Variants in NCAM2 observed in about 807,000 individuals in gnomAD.
The protein encoded by NCAM2 is N-CAM-2.
In NCAM2, 30 loss-of-function variants were observed where a neutral mutation model predicts 98.1. That is an observed-to-expected ratio of 0.31 (90% CI 0.23 to 0.41). NCAM2 has a LOEUF of 0.41. NCAM2 is among the 10% of genes least tolerant of loss of function. The pLI, the probability that NCAM2 is intolerant of heterozygous loss-of-function variation, is 1.00. For missense variants in NCAM2, 867 were observed against 1,005.8 expected, an observed-to-expected ratio of 0.86 and a Z score of 1.87; for synonymous variants, 368 against 342.4, an observed-to-expected ratio of 1.07 and a Z score of -0.83.
intron 6 of NCAM2, among the ~76,000 whole-genome samples, chr21:21,329,335 C>T (rs1199222556): frequency 3.9e-5 from 6 of 152,126 alleles, no homozygotes; most frequent in Non-Finnish European, 8.8e-5. Flanking sequence ...ATGTTACAGT[C>T]GCTTCCAACA....
chr21:21,329,877 A>G (rs1418693191), intron 6 of NCAM2, among the ~76,000 whole-genome samples: 1 of 152,170 alleles, frequency 6.6e-6, no homozygotes, highest in Non-Finnish European at 1.5e-5. Flanking sequence ...TAGTGAGCTT[A>G]GATGATTAAC....
At chr21:21,262,658 C>A (rs866521567) in intron 1 of NCAM2, among the ~76,000 whole-genome samples, 253 of 78,916 alleles carry the variant, frequency 3.2e-3, no homozygotes, top group East Asian at 9.3e-3. Flanking sequence ...AACAATCAGT[C>A]AAAAAAAAAA....
At position 21,182,086 on chromosome 21, in the gene NCAM2, A is replaced by G. The variant is rs557716004; in HGVS notation, c.56-98492A>G. Among the ~76,000 whole-genome samples, 7 of 152,138 alleles carry G rather than the reference A, an allele frequency of 4.6e-5. No homozygotes were observed. In the East Asian group the frequency reaches 1.4e-3, roughly 29 times the overall value. On this transcript the variant is annotated intron_variant, in intron 1 of 17. Coordinates refer to ENST00000400546, the MANE Select transcript of NCAM2 (RefSeq NM_004540.5). ...TCATTACTGTATCCCGAGCACCTGG[A>G]ATAGCTACCAACACATAGTAGTCAC...
At chr21:21,416,144 T>G (rs927563893) in intron 10 of NCAM2, among the ~76,000 whole-genome samples, 2 of 152,076 alleles carry the variant, frequency 1.3e-5, no homozygotes, top group Non-Finnish European at 2.9e-5. Flanking sequence ...TAGAGACCAT[T>G]GTAGGATTAT....
chr21:21,449,333 C>T lies in NCAM2; in HGVS notation c.1654+17052C>T, dbSNP rs141598288. The stretch of plus-strand genomic sequence containing the variant: ...GAGTGTTTTATAGGAGTTTAATCCA[C>T]GGGAGGAGAATGAAAGTATTCATAG... On this transcript the variant is annotated intron_variant, in intron 12 of 17. Coordinates refer to ENST00000400546, the MANE Select transcript of NCAM2 (RefSeq NM_004540.5). 2.7e-3 allele frequency among the ~76,000 whole-genome samples: 413 copies of T among 150,488 alleles called. 3 individuals carry two copies. The highest frequency in any genetic ancestry group is 9.6e-3 in the African/African-American group (394 of 40,978).
chr21:21,152,428 A>G (rs928016357), intron 1 of NCAM2, among the ~76,000 whole-genome samples: 1 of 151,764 alleles, frequency 6.6e-6, no homozygotes, highest in Admixed American at 6.6e-5. Context: ...AATTTTCAGT[A>G]GTCTACTGTT....
chr21:21,127,644 A>G (rs1243664428), intron 1 of NCAM2, among the ~76,000 whole-genome samples: 2 of 152,046 alleles, frequency 1.3e-5, no homozygotes, highest in African/African-American at 2.4e-5. Context: ...GATAATCACT[A>G]TTCTACTCTC....
chr21:21,230,816 C>G (rs935897364), intron 1 of NCAM2, among the ~76,000 whole-genome samples: 3 of 151,190 alleles, frequency 2.0e-5, no homozygotes, highest in African/African-American at 4.8e-5. Flanking sequence ...ATAAAATATA[C>G]TTAGGTCTTG....
At chr21:21,154,307 G>A (rs900211545) in intron 1 of NCAM2, among the ~76,000 whole-genome samples, 2 of 151,822 alleles carry the variant, frequency 1.3e-5, no homozygotes, top group Non-Finnish European at 3.0e-5. Flanking sequence ...TGCAGTATGT[G>A]AAATTTCTTT....
At chr21:21,261,142 CAAG>C (rs1335396720) in intron 1 of NCAM2, among the ~76,000 whole-genome samples, 2 of 151,880 alleles carry the variant, frequency 1.3e-5, no homozygotes, top group African/African-American at 2.4e-5. Context: ...TTCAATTCAA[CAAG>C]AAGATTTAAC....
chr21:21,274,634 A>C (rs1444624826), intron 1 of NCAM2, among the ~76,000 whole-genome samples: 1 of 152,238 alleles, frequency 6.6e-6, no homozygotes, highest in Non-Finnish European at 1.5e-5. Flanking sequence ...TCAATAATTT[A>C]TAAGAACATT....
intron 8 of NCAM2, among the ~76,000 whole-genome samples, chr21:21,363,304 A>T (rs532367177): frequency 2.9e-4 from 44 of 152,246 alleles, no homozygotes; most frequent in African/African-American, 1.0e-3. Context: ...ATGTTACTGG[A>T]AACATGGCTA....
chr21:21,190,738 A>T (rs1415045951), intron 1 of NCAM2, among the ~76,000 whole-genome samples: 3 of 152,158 alleles, frequency 2.0e-5, no homozygotes. Context: ...TCACAGGATG[A>T]CTTTGGACAA....
rs1289560790 is a variant in NCAM2 at position 21,540,416 on chromosome 21, G to A, written c.*2459G>A. The A allele has an allele frequency of 2.0e-5, 3 of 151,612 alleles. No individual in the cohort carries two copies. The allele number at this position is 151,612 out of a possible 1,614,324, so 9.4% of individuals were successfully genotyped here. ...AGTGCACTGTTTCAGTTGCCCGGGT[G>A]GTCCTTACCTCTTGTCCTTGAAATC... On this transcript the variant is annotated 3_prime_UTR_variant, in exon 18 of 18. Transcript: ENST00000400546.
chr21:21,243,499 T>G (rs1224835020), intron 1 of NCAM2, among the ~76,000 whole-genome samples: 2 of 152,274 alleles, frequency 1.3e-5, no homozygotes, highest in Non-Finnish European at 2.9e-5. Flanking sequence ...TGATGAAAAT[T>G]TATTTGACAG....
At chr21:21,473,085 T>A (rs1984663066) in intron 14 of NCAM2, among the ~76,000 whole-genome samples, 1 of 151,492 alleles carries the variant, frequency 6.6e-6, no homozygotes, top group African/African-American at 2.4e-5. Flanking sequence ...AGGACAACTT[T>A]TTGTCCCAGG....
chr21:21,422,700 C>A (rs170808), intron 11 of NCAM2, among the ~76,000 whole-genome samples: 88,817 of 151,868 alleles, frequency 0.58, 26,119 homozygotes, highest in East Asian at 0.65. Context: ...ACTTTTAATC[C>A]AAATATTAAC....
chr21:21,453,096 T>C (rs572893896), intron 12 of NCAM2, among the ~76,000 whole-genome samples: 38 of 130,816 alleles, frequency 2.9e-4, no homozygotes, highest in Non-Finnish European at 4.8e-4. Flanking sequence ...TAATATATTA[T>C]ATTAAATATA....
chr21:21,053,075 AAC>A (rs938364585), intron 1 of NCAM2, among the ~76,000 whole-genome samples: 4 of 152,104 alleles, frequency 2.6e-5, no homozygotes, highest in African/African-American at 9.7e-5. Flanking sequence ...AAAAAGCAAA[AAC>A]AATTAATTGC....
Sources: gnomAD v4.1 joint callset for allele counts (sites outside exome capture counted in the v4.1 genomes callset) on GRCh38, gnomAD v4.1.1 for gene constraint, MANE v1.5 for transcripts, NCBI Gene and HGNC (gene_info 2026-07-23, HGNC 2026-07-21) for gene names.